The following TOMM34 variants were observed in gnomAD, a reference collection of about 807,000 sequenced individuals.
TOMM34 encodes the protein translocase of outer mitochondrial membrane 34.
In TOMM34, 24 loss-of-function variants were observed where a neutral mutation model predicts 37.4. The observed-to-expected ratio is 0.64, with a 90% CI of 0.46 to 0.90. The LOEUF is 0.90. TOMM34 is among the 40% of genes least tolerant of loss of function. The probability of loss-of-function intolerance (pLI) is 0.00; values close to 1 mark genes in which losing one functional copy is unlikely to be tolerated. For missense variants in TOMM34, 304 were observed against 375.6 expected (o/e 0.81, Z 1.58); for synonymous variants, 154 against 148.9 (o/e 1.03, Z -0.25).
chr20:44,946,837 T>C (rs1431844848), intron 5 of TOMM34, among the ~76,000 whole-genome samples: 1 of 152,146 alleles, frequency 6.6e-6, no homozygotes, highest in South Asian at 2.1e-4. Flanking sequence ...TCCAATGCAA[T>C]CACAACCAAA....
chr20:44,960,025 G>A lies in TOMM34; in HGVS notation c.127+182C>T. On this transcript the variant is annotated intron_variant, in intron 1 of 6. Transcript: ENST00000372813. Reference sequence around the variant, plus strand: ...AAATAACTTAGGATGGGGGCCAACAGGGCAGTTAACAAGCAGGTGGAAAGA... The same window carrying A: ...AAATAACTTAGGATGGGGGCCAACAAGGCAGTTAACAAGCAGGTGGAAAGA... 5.1e-6 allele frequency: 5 copies of A among 985,370 alleles called. No individual in the cohort carries two copies. In the South Asian group the frequency reaches 1.9e-4, roughly 37 times the overall value. 61.0% of individuals were successfully genotyped at this position (985,370 alleles called of 1,614,324 possible).
chr20:44,945,379 C>A (rs1379858865), intron 5 of TOMM34, among the ~76,000 whole-genome samples: 2 of 152,132 alleles, frequency 1.3e-5, no homozygotes, highest in Non-Finnish European at 2.9e-5. Context: ...TCTTTGAATT[C>A]GGGCAGGCTC....
At chr20:44,952,823 C>T (rs2067037721) in intron 3 of TOMM34, 3 of 633,166 alleles carry the variant, frequency 4.7e-6, no homozygotes, top group Non-Finnish European at 8.5e-6. Context: ...GAATAAAAAC[C>T]ACAGACTGTA....
intron 2 of TOMM34, among the ~76,000 whole-genome samples, chr20:44,955,993 A>C (rs1356938960): frequency 2.0e-5 from 3 of 152,272 alleles, no homozygotes; most frequent in Non-Finnish European, 2.9e-5. Flanking sequence ...CTTCTGAGAC[A>C]ATCTATTAAC....
chr20:44,946,642 T>C (rs1401597464), intron 5 of TOMM34, among the ~76,000 whole-genome samples: 1 of 152,342 alleles, frequency 6.6e-6, no homozygotes, highest in South Asian at 2.1e-4. Context: ...GTAGGTGCTA[T>C]GCACTCAGAT....
intron 5 of TOMM34, among the ~76,000 whole-genome samples, chr20:44,945,558 G>A (rs1293468103): frequency 6.6e-6 from 1 of 152,206 alleles, no homozygotes; most frequent in Non-Finnish European, 1.5e-5. Flanking sequence ...ACGCTCTCAG[G>A]AAGCTCACAG....
intron 5 of TOMM34, among the ~76,000 whole-genome samples, chr20:44,944,733 A>C (rs2066965944): frequency 6.6e-6 from 1 of 152,226 alleles, no homozygotes; most frequent in South Asian, 2.1e-4. Flanking sequence ...TGTTACTGCC[A>C]AAATGCTTTC....
intron 5 of TOMM34, among the ~76,000 whole-genome samples, chr20:44,948,167 G>T (rs2066996615): frequency 6.6e-6 from 1 of 152,186 alleles, no homozygotes; most frequent in African/African-American, 2.4e-5. Context: ...CCTACACAGT[G>T]AAGGGACCGC....
At position 44,943,547 on chromosome 20, in the gene TOMM34, G is replaced by A. The variant is rs138655137; in HGVS notation, c.731C>T (p.Thr244Ile). 5 of 1,614,048 alleles carry A rather than the reference G, an allele frequency of 3.1e-6. No homozygotes were observed. Among genetic ancestry groups the A allele is most frequent in the Non-Finnish European group, 4.2e-6 (5 of 1,180,044 alleles). The change falls in exon 6 of 7, where the codon ACA (threonine) becomes ATA (isoleucine). Residue 244 changes from threonine to isoleucine, a missense_variant. Transcript: ENST00000372813. ...ALCYLVLKQYTEAVKDCTEAL... is the reference protein window; with the variant it reads ...ALCYLVLKQYIEAVKDCTEAL... The stretch of plus-strand genomic sequence containing the variant: ...TTCTGTGCAGTCCTTCACTGCTTCT[G>A]TGTACTGCTTCAGGACCAAATAGCA...
At chr20:44,957,791 T>TA (rs1263763239) in intron 1 of TOMM34, among the ~76,000 whole-genome samples, 1 of 152,004 alleles carries the variant, frequency 6.6e-6, no homozygotes, top group East Asian at 1.9e-4. Flanking sequence ...TACAGGTGTG[T>TA]ACCCCCAAGC....
Position 44,952,131 on chromosome 20 carries a change from C to A in TOMM34, c.381-129G>T, listed in dbSNP as rs1454596990. On this transcript the variant is annotated intron_variant, in intron 3 of 6. Transcript: ENST00000372813. ...CTGCCACCCTCCCCCTGGTCGGAAC[C>A]ACCTCTTTAGCTCCTCCAACACGTG... 2.7e-6 allele frequency: 3 copies of A among 1,116,432 alleles called. No homozygotes were observed. In the African/African-American group the frequency reaches 4.7e-5, roughly 18 times the overall value. 69.2% of individuals were successfully genotyped at this position (1,116,432 alleles called of 1,614,324 possible). A position where few individuals can be genotyped will look rare whatever the true frequency, so the allele number is the denominator to read the frequency against.
chr20:44,953,877 C>T (rs986532222), intron 3 of TOMM34, among the ~76,000 whole-genome samples: 1 of 152,170 alleles, frequency 6.6e-6, no homozygotes, highest in Non-Finnish European at 1.5e-5. Flanking sequence ...AAATACAAAT[C>T]TGCTCATGTT....
chr20:44,955,184 C>T lies in TOMM34; in HGVS notation c.264G>A (p.Leu88=). The T allele has an allele frequency of 6.2e-7, 1 of 1,614,194 alleles. No homozygotes were observed. The highest frequency in any genetic ancestry group is 8.5e-7 in the Non-Finnish European group (1 of 1,180,036). Residue 88 remains leucine, a synonymous_variant, in exon 3 of 7, where the codon CTG becomes CTA. Coordinates refer to ENST00000372813, the MANE Select transcript of TOMM34 (RefSeq NM_006809.5). ...CCTCATAAGCAGATGCTCGCCGCAG[C>T]AGGGGCTTAATGCTGAAGGGAACCA... ...LALVPFSIKP[L]LRRASAYEAL...
intron 1 of TOMM34, 133 bp from the exon 2 acceptor site, chr20:44,956,618 G>C (rs1464167655): frequency 1.3e-6 from 1 of 767,506 alleles, no homozygotes; most frequent in Admixed American, 2.6e-5. Flanking sequence ...GTTCAGGCTT[G>C]TTGGTCTGCT....
chr20:44,959,681 T>A (rs2145611723), intron 1 of TOMM34, among the ~76,000 whole-genome samples: 1 of 152,306 alleles, frequency 6.6e-6, no homozygotes, highest in East Asian at 1.9e-4. Flanking sequence ...TGGCTTCTCA[T>A]CATTTAGACA....
At chr20:44,953,246 C>T (rs1285840058) in intron 3 of TOMM34, among the ~76,000 whole-genome samples, 3 of 152,214 alleles carry the variant, frequency 2.0e-5, no homozygotes, top group African/African-American at 7.2e-5. Flanking sequence ...TCTCTTCAAG[C>T]CTGACTTTCT....
At position 44,951,879 on chromosome 20, in the gene TOMM34, C is replaced by T; in HGVS notation, c.504G>A (p.Glu168=). Residue 168 remains glutamate (E), a synonymous_variant, in exon 4 of 7, where the codon GAG becomes GAA. Coordinates refer to ENST00000372813, the MANE Select transcript of TOMM34 (RefSeq NM_006809.5). The stretch of plus-strand genomic sequence containing the variant: ...TTTCTTTGGATTTGCTTTTAGCCAT[C>T]TCTTTGTGGTTCTCCGAAGGCAAGG... ...WNSLPSENHK[E]MAKSKSKETT... The T allele has an allele frequency of 6.2e-7, 1 of 1,614,082 alleles. No individual in the cohort carries two copies. Among genetic ancestry groups the T allele is most frequent in the Non-Finnish European group, 8.5e-7 (1 of 1,179,964 alleles).
Position 44,951,778 on chromosome 20 carries a change from A to G in TOMM34, c.550+55T>C, listed in dbSNP as rs2067028290. The G allele has an allele frequency of 2.6e-6, 4 of 1,562,296 alleles. No homozygotes were observed. In the South Asian group the frequency reaches 3.6e-5, roughly 14 times the overall value. On this transcript the variant is annotated intron_variant, in intron 4 of 6. Coordinates refer to ENST00000372813, the MANE Select transcript of TOMM34 (RefSeq NM_006809.5). ...ATGCCAATTTTTGCAGGACTACTCTAAAGAAAATGGATAGTGGGAGATTGC... is the reference window on the plus strand; with the variant it reads ...ATGCCAATTTTTGCAGGACTACTCTGAAGAAAATGGATAGTGGGAGATTGC...
chr20:44,951,176 T>A (rs1023769938), intron 4 of TOMM34, among the ~76,000 whole-genome samples: 1 of 152,130 alleles, frequency 6.6e-6, no homozygotes. Context: ...TGAGAAAATA[T>A]GTGAGCTAGA....
Sources: allele counts gnomAD v4.1 joint callset (sites outside exome capture counted in the v4.1 genomes callset), GRCh38; gene constraint gnomAD v4.1.1; transcripts MANE v1.5; gene names NCBI Gene and HGNC (gene_info 2026-07-23, HGNC 2026-07-21).